Variants in ZFYVE26 observed in about 807,000 individuals in gnomAD.
ZFYVE26 encodes zinc finger FYVE-type containing 26, also known as zinc finger FYVE domain-containing protein 26.
ZFYVE26 carries 181 observed loss-of-function variants against 276.5 expected under a neutral mutation model. The observed-to-expected ratio is 0.65, with a 90% CI of 0.58 to 0.74. ZFYVE26 has a LOEUF of 0.74. Ranked by LOEUF, ZFYVE26 falls within the 30% of genes least tolerant of loss-of-function variation. The pLI is 0.00. For synonymous variants in ZFYVE26, 1,129 were observed against 1,203.1 expected, an observed-to-expected ratio of 0.94 and a Z score of 1.27; for missense variants, 2,821 against 3,097.9, an observed-to-expected ratio of 0.91 and a Z score of 2.12.
In ZFYVE26 at chr14:67,768,499, A is replaced by T; in HGVS notation, c.5653+18T>A. 1 of 1,613,860 alleles carries T rather than the reference A, an allele frequency of 6.2e-7. No homozygotes were observed. The highest frequency in any genetic ancestry group is 8.5e-7 in the Non-Finnish European group (1 of 1,179,688). ...AGTACACAAATGAAGAGTCACAGAG[A>T]ACGGGATTTGGCCTTACCTTCTGGT... On this transcript the variant is annotated intron_variant, in intron 30 of 41. Coordinates refer to ENST00000347230, the MANE Select transcript of ZFYVE26 (RefSeq NM_015346.4).
intron 19 of ZFYVE26, 102 bp from the exon 20 acceptor site, chr14:67,784,538 A>C: frequency 9.8e-7 from 1 of 1,017,422 alleles, no homozygotes; most frequent in South Asian, 1.3e-5. Context: ...CAAGATGAAG[A>C]CAATATGGAG....
At position 67,748,108 on chromosome 14, in the gene ZFYVE26, A is replaced by C. The variant is rs1224324140; in HGVS notation, c.*328T>G. On this transcript the variant is annotated 3_prime_UTR_variant, in exon 42 of 42. Coordinates refer to ENST00000347230, the MANE Select transcript of ZFYVE26 (RefSeq NM_015346.4). ...CCTCTTTTAAATGGAGAAGAGTTTC[A>C]TTTGTTCAGAAATGCTTGGGCGTAA... is the stretch of plus-strand genomic sequence containing the variant. The C allele has an allele frequency of 8.8e-6, 3 of 342,718 alleles. No homozygotes were observed. The highest frequency in any genetic ancestry group is 5.4e-6 in the Non-Finnish European group (1 of 183,960). 21.2% of individuals were successfully genotyped at this position (342,718 alleles called of 1,614,324 possible).
chr14:67,806,403 C>G, intron 6 of ZFYVE26, 142 bp downstream of exon 6: 4 of 984,464 alleles, frequency 4.1e-6, no homozygotes, highest in Non-Finnish European at 6.3e-6. Flanking sequence ...TCCCATGGGA[C>G]TGTGGGAGGG....
chr14:67,755,248 G>C lies in ZFYVE26; in HGVS notation c.6789C>G (p.Asp2263Glu). The change falls in exon 37 of 42, where the codon GAC becomes GAG. Residue 2263 changes from aspartate (D) to glutamate (E), a missense_variant and splice_region_variant. By Grantham distance (45) the Asp-to-Glu change is conservative. Transcript: ENST00000347230. ...ILYELQQFMK[D>E]QVRAAMTCIR... ...TACAGGTCATGGCGGCCCGAACTTG[G>C]TCCTAGAAGAGGAAAATAAATGTTC... The C allele has an allele frequency of 6.2e-7, 1 of 1,614,138 alleles. No homozygotes were observed. The highest frequency in any genetic ancestry group is 8.5e-7 in the Non-Finnish European group (1 of 1,180,030).
intron 35 of ZFYVE26, among the ~76,000 whole-genome samples, chr14:67,758,658 T>C (rs7153824): frequency 0.92 from 140,272 of 151,854 alleles, 65,166 homozygotes; most frequent in Non-Finnish European, 0.98. Flanking sequence ...TATTTTGAGA[T>C]GGAGTCTTAC....
chr14:67,750,526 G>A (rs563915419), intron 41 of ZFYVE26: 39 of 180,516 alleles, frequency 2.2e-4, no homozygotes, highest in Middle Eastern at 2.6e-3. Context: ...CAAAGGCAAC[G>A]GGAAGCAAAG....
Position 67,748,653 on chromosome 14 carries a change from A to G in ZFYVE26, c.7417-14T>C. The G allele has an allele frequency of 6.2e-7, 1 of 1,613,582 alleles. No homozygotes were observed. The highest frequency in any genetic ancestry group is 8.5e-7 in the Non-Finnish European group (1 of 1,179,990). On this transcript the variant is annotated splice_polypyrimidine_tract_variant and intron_variant, in intron 41 of 41. Coordinates refer to ENST00000347230, the MANE Select transcript of ZFYVE26 (RefSeq NM_015346.4). The stretch of plus-strand genomic sequence containing the variant: ...GTAGGCCCGAACCTGGCAGTCAGTT[A>G]TAAGAGACAGCGGAAAGGCATCCAT...
chr14:67,775,892 T>A lies in ZFYVE26; in HGVS notation c.5189A>T (p.Asp1730Val). The change falls in exon 26 of 42, where the codon GAC becomes GTC. Residue 1730 changes from aspartate to valine, a missense_variant. Coordinates refer to ENST00000347230, the MANE Select transcript of ZFYVE26 (RefSeq NM_015346.4). ...TTTCTCCCTCTGAGGGTATGGAAAG[T>A]CCAGGGCTTTCTCTGCGTATCTGGA... ...LLSRYAEKALDFPYPQREKRS... is the reference protein window; with the variant it reads ...LLSRYAEKALVFPYPQREKRS... 5.6e-6 allele frequency: 9 copies of A among 1,614,230 alleles called. No homozygotes were observed. Among genetic ancestry groups the A allele is most frequent in the Non-Finnish European group, 7.6e-6 (9 of 1,180,024 alleles).
rs764476863 is a variant in ZFYVE26, at chr14:67,789,487, G to A, written c.2867C>T (p.Pro956Leu). 6.2e-6 allele frequency: 10 copies of A among 1,614,172 alleles called. No homozygotes were observed. The highest frequency in any genetic ancestry group is 1.6e-4 in the Middle Eastern group (1 of 6,062). The change falls in exon 16 of 42, where the codon CCC (proline) becomes CTC (leucine). Residue 956 changes from proline (P) to leucine (L), a missense_variant. By Grantham distance (98) the Pro-to-Leu change is moderately conservative (BLOSUM62 -3). Transcript: ENST00000347230. Reference protein sequence around the residue: ...DFWISTALVEPTAPLREVLED... With the variant: ...DFWISTALVELTAPLREVLED... ...CAGAACCTCTCTCAGGGGAGCAGTG[G>A]GCTCCACTAGAGCCGTGCTTATCCA...
At chr14:67,802,955 G>A (rs1166968700) in intron 9 of ZFYVE26, among the ~76,000 whole-genome samples, 1 of 152,114 alleles carries the variant, frequency 6.6e-6, no homozygotes, top group African/African-American at 2.4e-5. Flanking sequence ...ACAATGATAC[G>A]TTTCTTAAGA....
At chr14:67,766,521 G>A (rs777649462) in intron 31 of ZFYVE26, 74 bp from the exon 32 acceptor site, 109 of 1,410,572 alleles carry the variant, frequency 7.7e-5, no homozygotes, top group Non-Finnish European at 9.6e-5. Flanking sequence ...CAGCTGGGTG[G>A]CAGAAATTAT....
In ZFYVE26 at chr14:67,753,752, C is replaced by T. The variant is rs1555393351; in HGVS notation, c.7143G>A (p.Gly2381=). The T allele has an allele frequency of 1.9e-6, 3 of 1,613,464 alleles. No individual in the cohort carries two copies. The highest frequency in any genetic ancestry group is 8.5e-7 in the Non-Finnish European group (1 of 1,179,784). The change falls in exon 39 of 42, where the codon GGG becomes GGA. Residue 2381 remains glycine, a synonymous_variant. Coordinates refer to ENST00000347230, the MANE Select transcript of ZFYVE26 (RefSeq NM_015346.4). ...TTCCAAAACCATCTTCTACATTTTT[C>T]CCTCCCAGCATGACCTGAAAAGGAA... The part of the protein sequence containing the change: ...MDVACKVMLG[G]KNVEDGFGIA...
intron 13 of ZFYVE26, chr14:67,733,922 C>T: frequency 3.5e-6 from 4 of 1,131,118 alleles, no homozygotes; most frequent in Non-Finnish European, 5.3e-6. Flanking sequence ...AAGGCCAACC[C>T]TAAAGGATTG....
At chr14:67,729,335 G>A in exon 14 of ZFYVE26, 1 of 1,599,200 alleles carries the variant, frequency 6.3e-7, no homozygotes, top group South Asian at 1.1e-5. Context: ...AGCCTGCACT[G>A]CGCCCTGGCT....
In ZFYVE26 at chr14:67,756,103, T is replaced by C. The variant is rs1180784802; in HGVS notation, c.6631A>G (p.Ser2211Gly). The change falls in exon 36 of 42, where the codon AGC becomes GGC. Residue 2211 changes from serine (S) to glycine (G), a missense_variant. Physicochemically the swap from Ser to Gly is moderately conservative, Grantham distance 56. Transcript: ENST00000347230. ...GTGTGTAGCTTCCCACTTTTATAGC[T>C]TGGTTGGAAAATGCCTTCTATAAAA... ...EVFIEGIFQP[S>G]YKSGKLHTLE... 1 of 1,614,184 alleles carries C rather than the reference T, an allele frequency of 6.2e-7. No individual in the cohort carries two copies. The highest frequency in any genetic ancestry group is 8.5e-7 in the Non-Finnish European group (1 of 1,180,016).
At position 67,748,339 on chromosome 14, in the gene ZFYVE26, G is replaced by C. The variant is rs1379189563; in HGVS notation, c.*97C>G. The C allele has an allele frequency of 7.3e-7, 1 of 1,377,422 alleles. No homozygotes were observed. Among genetic ancestry groups the C allele is most frequent in the African/African-American group, 1.4e-5 (1 of 70,600 alleles). 85.3% of individuals were successfully genotyped at this position (1,377,422 alleles called of 1,614,324 possible). On this transcript the variant is annotated 3_prime_UTR_variant, in exon 42 of 42. Coordinates refer to ENST00000347230, the MANE Select transcript of ZFYVE26 (RefSeq NM_015346.4). ...CTTTCCAACCTAGGGCAGAGCCAGA[G>C]AAGTCCCACTCCACTGGAGGAAAGA...
intron 13 of ZFYVE26, 82 bp downstream of exon 13, chr14:67,794,089 C>T (rs2140238355): frequency 6.9e-7 from 1 of 1,459,018 alleles, no homozygotes. Context: ...ACTGCTCAAT[C>T]CTGGCTTTAC....
intron 23 of ZFYVE26, among the ~76,000 whole-genome samples, chr14:67,779,903 G>A (rs551790275): frequency 2.4e-4 from 37 of 152,068 alleles, no homozygotes; most frequent in Non-Finnish European, 3.5e-4. Context: ...ACAGAGTCTC[G>A]CTCTGTCGTC....
downstream of ZFYVE26, among the ~76,000 whole-genome samples, chr14:67,742,834 TC>T (rs60872631): frequency 0.012 from 302 of 25,036 alleles, 1 homozygote; most frequent in African/African-American, 0.024. Flanking sequence ...TCTTTCTTCT[TC>T]TTCTTTTTTT....
Sources: allele counts gnomAD v4.1 joint callset (sites outside exome capture counted in the v4.1 genomes callset), GRCh38; gene constraint gnomAD v4.1.1; transcripts MANE v1.5; gene names NCBI Gene and HGNC (gene_info 2026-07-23, HGNC 2026-07-21).